The following EYS variants were observed in gnomAD, a reference collection of about 807,000 sequenced individuals.
The protein encoded by EYS is EGF-like photoreceptor maintenance factor.
A neutral mutation model predicts 282.1 loss-of-function variants in EYS; 250 were observed. That is an observed-to-expected ratio of 0.89 (90% confidence interval 0.80 to 0.98). The LOEUF is 0.98. EYS is among the 50% of genes least tolerant of loss of function. The probability of loss-of-function intolerance (pLI) is 0.00; values close to 1 mark genes in which losing one functional copy is unlikely to be tolerated. For missense variants in EYS, 4,016 were observed against 3,709.0 expected (o/e 1.08, Z -2.15); for synonymous variants, 1,355 against 1,282.9 (o/e 1.06, Z -1.20).
intron 12 of EYS, among the ~76,000 whole-genome samples, chr6:65,291,453 A>G (rs1768522355): frequency 6.6e-6 from 1 of 151,538 alleles, no homozygotes; most frequent in Non-Finnish European, 1.5e-5. Context: ...GCAGTTACAT[A>G]AATACTTCGA....
chr6:64,631,251 G>T (rs1931842), intron 22 of EYS: 146,601 of 152,284 alleles, frequency 0.96, 70,801 homozygotes, highest in East Asian at 1. Flanking sequence ...ATACAAAAGA[G>T]TTAGTTTAAC....
Position 65,483,973 on chromosome 6 carries a change from T to C in EYS, c.862+6621A>G, listed in dbSNP as rs1765696437. On this transcript the variant is annotated intron_variant, in intron 5 of 42. Transcript: ENST00000503581. Reference sequence around the variant, plus strand: ...AGATGTGCCCCCATGATTCAATTACTTCCTACCGGCTCCCTCCCACAACAC... The same window carrying C: ...AGATGTGCCCCCATGATTCAATTACCTCCTACCGGCTCCCTCCCACAACAC... Among the ~76,000 whole-genome samples, 6 of 152,098 alleles carry C rather than the reference T, an allele frequency of 3.9e-5. No individual in the cohort carries two copies. The South Asian group carries it at 1.2e-3, about 32-fold the overall frequency.
At chr6:64,303,997 G>C (rs1769340335) in intron 30 of EYS, among the ~76,000 whole-genome samples, 1 of 152,150 alleles carries the variant, frequency 6.6e-6, no homozygotes, top group African/African-American at 2.4e-5. Context: ...ACCAACTTTT[G>C]ATCATCGTGG....
intron 19 of EYS, among the ~76,000 whole-genome samples, chr6:64,871,646 A>G (rs1766600788): frequency 6.6e-6 from 1 of 152,016 alleles, no homozygotes; most frequent in South Asian, 2.1e-4. Context: ...AATTTTCTCT[A>G]AAGGTCAACA....
At chr6:64,882,453 G>A (rs565387282) in intron 19 of EYS, among the ~76,000 whole-genome samples, 2 of 151,794 alleles carry the variant, frequency 1.3e-5, no homozygotes, top group South Asian at 4.1e-4. Context: ...GCACAATTCA[G>A]TTGCCTGTTT....
chr6:64,463,909 G>A (rs1168412316), intron 26 of EYS, among the ~76,000 whole-genome samples: 1 of 152,114 alleles, frequency 6.6e-6, no homozygotes, highest in Admixed American at 6.6e-5. Context: ...TATTAAAGAG[G>A]AGGGAATACT....
chr6:64,541,965 G>A (rs998761974), intron 26 of EYS, among the ~76,000 whole-genome samples: 5 of 152,056 alleles, frequency 3.3e-5, no homozygotes, highest in Non-Finnish European at 7.4e-5. Flanking sequence ...TAAAAATGTG[G>A]TTCATCATTT....
At chr6:64,032,319 A>G (rs1275573525) in intron 33 of EYS, among the ~76,000 whole-genome samples, 1 of 152,146 alleles carries the variant, frequency 6.6e-6, no homozygotes, top group Non-Finnish European at 1.5e-5. Context: ...AGAACCCACC[A>G]ATTCCGGACA....
intron 13 of EYS, among the ~76,000 whole-genome samples, chr6:65,031,820 G>C (rs1261616544): frequency 6.6e-6 from 1 of 150,866 alleles, no homozygotes; most frequent in African/African-American, 2.4e-5. Context: ...CACTCAGAGG[G>C]ACCAGAAAAA....
intron 26 of EYS, among the ~76,000 whole-genome samples, chr6:64,496,264 C>T (rs974230745): frequency 6.6e-6 from 1 of 151,886 alleles, no homozygotes; most frequent in Non-Finnish European, 1.5e-5. Flanking sequence ...GAAAGTAGCA[C>T]AATTAGCAAG....
At chr6:65,483,569 A>T (rs1765677958) in intron 5 of EYS, among the ~76,000 whole-genome samples, 1 of 152,126 alleles carries the variant, frequency 6.6e-6, no homozygotes, top group Admixed American at 6.5e-5. Flanking sequence ...TATTTCAAAT[A>T]ATATATATTA....
At chr6:64,999,611 A>G (rs1055610380) in intron 13 of EYS, among the ~76,000 whole-genome samples, 5 of 152,206 alleles carry the variant, frequency 3.3e-5, no homozygotes, top group Non-Finnish European at 7.3e-5. Flanking sequence ...TCGTGTGCCT[A>G]TAAAAACCCC....
intron 19 of EYS, among the ~76,000 whole-genome samples, chr6:64,865,044 T>A (rs1013182297): frequency 6.6e-6 from 1 of 152,032 alleles, no homozygotes; most frequent in Non-Finnish European, 1.5e-5. Context: ...AAAAAAGAAA[T>A]TAATAATGTT....
intron 2 of EYS, among the ~76,000 whole-genome samples, chr6:65,589,827 G>A (rs939555627): frequency 2.0e-5 from 3 of 151,804 alleles, no homozygotes; most frequent in African/African-American, 4.8e-5. Flanking sequence ...AAATGTTAAA[G>A]GTTTTGGGGG....
intron 31 of EYS, among the ~76,000 whole-genome samples, chr6:64,128,198 A>G (rs1773847721): frequency 1.3e-5 from 2 of 152,134 alleles, no homozygotes; most frequent in African/African-American, 4.8e-5. Context: ...ACGATCTTTT[A>G]TTTTTAGCTC....
chr6:65,330,167 T>C, intron 11 of EYS: 1 of 981,364 alleles, frequency 1.0e-6, no homozygotes, highest in Non-Finnish European at 1.2e-6. Context: ...CTGAAGAGTG[T>C]ATAATCTTAC....
chr6:64,866,173 T>A (rs1027734265), intron 19 of EYS, among the ~76,000 whole-genome samples: 1 of 151,946 alleles, frequency 6.6e-6, no homozygotes, highest in African/African-American at 2.4e-5. Context: ...ATACATGCAA[T>A]CTGTCTGGAG....
chr6:64,434,578 T>C (rs1774677248), intron 28 of EYS, among the ~76,000 whole-genome samples: 1 of 152,080 alleles, frequency 6.6e-6, no homozygotes, highest in Non-Finnish European at 1.5e-5. Context: ...ATTCAATTCA[T>C]ATTACATTTC....
At chr6:64,245,876 G>A (rs770057426) in intron 30 of EYS, among the ~76,000 whole-genome samples, 9 of 151,610 alleles carry the variant, frequency 5.9e-5, no homozygotes, top group Non-Finnish European at 7.4e-5. Context: ...AAAATTAGCC[G>A]GGCATGGTGG....
Sources: allele counts gnomAD v4.1 joint callset (sites outside exome capture counted in the v4.1 genomes callset), GRCh38; gene constraint gnomAD v4.1.1; transcripts MANE v1.5; gene names NCBI Gene and HGNC (gene_info 2026-07-23, HGNC 2026-07-21).